The following FGF12 variants were observed in gnomAD, a reference collection of about 807,000 sequenced individuals.
The protein encoded by FGF12 is fibroblast growth factor 12B.
FGF12 carries 14 observed loss-of-function variants against 23.6 expected under a neutral mutation model. The ratio of observed to expected loss-of-function variants is 0.59; its 90% CI spans 0.39 to 0.93. The LOEUF (loss-of-function observed/expected upper bound fraction) is 0.93, where lower values mean the gene tolerates loss of function less well. FGF12 is among the 40% of genes least tolerant of loss of function. FGF12 has a pLI of 0.00. For synonymous variants in FGF12, 62 were observed against 77.3 expected, an observed-to-expected ratio of 0.80 and a Z score of 1.04; for missense variants, 175 against 217.8, an observed-to-expected ratio of 0.80 and a Z score of 1.24.
intron 4 of FGF12, among the ~76,000 whole-genome samples, chr3:192,252,759 A>T (rs1458728980): frequency 6.6e-6 from 1 of 152,006 alleles, no homozygotes; most frequent in African/African-American, 2.4e-5. Flanking sequence ...CAGGAAAAAT[A>T]CTCTGAAAAA....
intron 2 of FGF12, among the ~76,000 whole-genome samples, chr3:192,393,987 C>T (rs1320155745): frequency 6.6e-6 from 1 of 152,142 alleles, no homozygotes; most frequent in African/African-American, 2.4e-5. Context: ...CACATCCATT[C>T]CAATCAGTTC....
intron 2 of FGF12, 162 bp downstream of exon 2, chr3:192,727,019 C>T: frequency 1.2e-6 from 1 of 840,818 alleles, no homozygotes; most frequent in Non-Finnish European, 1.9e-6. Flanking sequence ...AAAGAAGTCG[C>T]CTTCCTGCCA....
At chr3:192,156,560 CAAT>C (rs1285021869) in intron 5 of FGF12, among the ~76,000 whole-genome samples, 1 of 152,116 alleles carries the variant, frequency 6.6e-6, no homozygotes, top group Non-Finnish European at 1.5e-5. Context: ...GATAAATAAA[CAAT>C]GTTATTTCCC....
intron 2 of FGF12, among the ~76,000 whole-genome samples, chr3:192,465,579 C>A (rs1220137454): frequency 6.6e-6 from 1 of 151,912 alleles, no homozygotes; most frequent in Non-Finnish European, 1.5e-5. Context: ...CCTCCATTCT[C>A]TCTCTGATAA....
chr3:192,594,012 G>C (rs922268383), intron 2 of FGF12, among the ~76,000 whole-genome samples: 4 of 151,930 alleles, frequency 2.6e-5, no homozygotes, highest in Non-Finnish European at 5.9e-5. Flanking sequence ...TAAGCAGCTT[G>C]TCGGTTAGAG....
At chr3:192,599,800 T>C (rs1714032592) in intron 2 of FGF12, among the ~76,000 whole-genome samples, 1 of 151,912 alleles carries the variant, frequency 6.6e-6, no homozygotes, top group South Asian at 2.1e-4. Flanking sequence ...ATAATACAAA[T>C]AGTGATATAT....
chr3:192,656,300 C>T (rs1716416549), intron 2 of FGF12, among the ~76,000 whole-genome samples: 1 of 91,218 alleles, frequency 1.1e-5, no homozygotes, highest in Non-Finnish European at 2.6e-5. Context: ...CACACACACA[C>T]ACACACACAC....
chr3:192,568,652 G>T (rs1712455745), intron 2 of FGF12, among the ~76,000 whole-genome samples: 1 of 152,142 alleles, frequency 6.6e-6, no homozygotes, highest in Admixed American at 6.5e-5. Flanking sequence ...AGTTTTGAGA[G>T]TGTTTTTGTT....
At chr3:192,346,446 T>G (rs1430663739) in intron 3 of FGF12, among the ~76,000 whole-genome samples, 1 of 152,230 alleles carries the variant, frequency 6.6e-6, no homozygotes, top group Admixed American at 6.5e-5. Context: ...ACCAAACTTG[T>G]TGATCACTAT....
At chr3:192,453,492 G>T (rs976276996) in intron 2 of FGF12, among the ~76,000 whole-genome samples, 4 of 152,010 alleles carry the variant, frequency 2.6e-5, no homozygotes, top group Non-Finnish European at 5.9e-5. Context: ...TAACTTCAAG[G>T]TCATATCTGA....
At chr3:192,467,161 T>A (rs545452222) in intron 2 of FGF12, among the ~76,000 whole-genome samples, 72 of 152,346 alleles carry the variant, frequency 4.7e-4, no homozygotes, top group African/African-American at 1.7e-3. Flanking sequence ...TTATTCAAAT[T>A]TTGTAGTATT....
chr3:192,624,290 TC>T (rs1266482961), intron 2 of FGF12, among the ~76,000 whole-genome samples: 4 of 152,302 alleles, frequency 2.6e-5, no homozygotes, highest in Admixed American at 6.5e-5. Flanking sequence ...TAGGCCTGTT[TC>T]TATTTATATC....
chr3:192,528,269 A>T (rs1725001895), intron 2 of FGF12, among the ~76,000 whole-genome samples: 1 of 152,184 alleles, frequency 6.6e-6, no homozygotes, highest in Admixed American at 6.5e-5. Flanking sequence ...TGGCCAAAAC[A>T]AAGGGGTGCA....
intron 2 of FGF12, among the ~76,000 whole-genome samples, chr3:192,723,742 G>A (rs1403525381): frequency 1.3e-5 from 2 of 151,792 alleles, no homozygotes; most frequent in African/African-American, 4.8e-5. Context: ...CTTTACATTT[G>A]AAAAGCTCTA....
At chr3:192,600,412 A>G (rs2108630604) in intron 2 of FGF12, among the ~76,000 whole-genome samples, 1 of 152,160 alleles carries the variant, frequency 6.6e-6, no homozygotes, top group South Asian at 2.1e-4. Flanking sequence ...TGATTAAAAA[A>G]AATCCTGTGA....
intron 2 of FGF12, among the ~76,000 whole-genome samples, chr3:192,527,855 G>A (rs898124216): frequency 2.0e-5 from 3 of 152,156 alleles, no homozygotes; most frequent in African/African-American, 7.2e-5. Context: ...GACAAGAGAA[G>A]ACAGCTTATG....
At chr3:192,538,650 T>A (rs180869291) in intron 2 of FGF12, among the ~76,000 whole-genome samples, 407 of 152,178 alleles carry the variant, frequency 2.7e-3, no homozygotes, top group African/African-American at 8.8e-3. Context: ...ATTTTCAAAA[T>A]TTTTTTTCTA....
chr3:192,298,003 C>T (rs867708183), intron 4 of FGF12, among the ~76,000 whole-genome samples: 7 of 152,188 alleles, frequency 4.6e-5, no homozygotes, highest in Middle Eastern at 3.4e-3. Flanking sequence ...CATTTGTAAC[C>T]GCTATTACAA....
intron 3 of FGF12, among the ~76,000 whole-genome samples, chr3:192,344,951 C>T (rs544373226): frequency 4.6e-5 from 7 of 152,244 alleles, no homozygotes; most frequent in South Asian, 2.1e-4. Flanking sequence ...TCTTGGAGCC[C>T]GTCTGGTCTG....
Sources: allele counts gnomAD v4.1 joint callset (sites outside exome capture counted in the v4.1 genomes callset), GRCh38; gene constraint gnomAD v4.1.1; transcripts MANE v1.5; gene names NCBI Gene and HGNC (gene_info 2026-07-23, HGNC 2026-07-21).